The following CDH7 variants were observed in gnomAD, a reference collection of about 807,000 sequenced individuals.
The protein encoded by CDH7 is cadherin-7.
Under a neutral mutation model 71.8 loss-of-function variants are expected in CDH7, and 25 were observed. The observed-to-expected ratio is 0.35, with a 90% CI of 0.25 to 0.49. The LOEUF is 0.49. CDH7 is among the 20% of genes least tolerant of loss of function. The probability of loss-of-function intolerance (pLI) is 0.99; values close to 1 mark genes in which losing one functional copy is unlikely to be tolerated. For synonymous variants in CDH7, 381 were observed against 363.8 expected (o/e 1.05, Z -0.54); for missense variants, 862 against 974.6 (o/e 0.88, Z 1.54).
chr18:65,841,146 G>T (rs1437386044), intron 6 of CDH7, among the ~76,000 whole-genome samples: 1 of 151,948 alleles, frequency 6.6e-6, no homozygotes, highest in Non-Finnish European at 1.5e-5. Context: ...ACTTTCATAT[G>T]AATTCTTTTA....
chr18:65,866,314 A>AG (rs1913752909), intron 11 of CDH7: 1 of 4,246 alleles, frequency 2.4e-4, no homozygotes, highest in Non-Finnish European at 5.4e-4. Context: ...AAAAAAAAAA[A>AG]CAAAAAAAAA....
At chr18:65,803,164 C>G (rs904604972) in intron 2 of CDH7, 2 of 152,062 alleles carry the variant, frequency 1.3e-5, no homozygotes, top group African/African-American at 2.4e-5. Flanking sequence ...ACCATCAAGA[C>G]AGCACAACAT....
chr18:65,755,384 T>C (rs1916002760), intron 1 of CDH7, among the ~76,000 whole-genome samples: 1 of 152,230 alleles, frequency 6.6e-6, no homozygotes, highest in South Asian at 2.1e-4. Context: ...TTTGGGAATC[T>C]TCAAACTTAA....
At chr18:65,828,401 T>C (rs1912210679) in intron 6 of CDH7, among the ~76,000 whole-genome samples, 1 of 152,166 alleles carries the variant, frequency 6.6e-6, no homozygotes, top group Non-Finnish European at 1.5e-5. Flanking sequence ...CACTTATATA[T>C]GGATTTTTTT....
At chr18:65,824,055 A>G (rs556249084) in intron 5 of CDH7, among the ~76,000 whole-genome samples, 35 of 150,426 alleles carry the variant, frequency 2.3e-4, no homozygotes, top group Non-Finnish European at 4.4e-4. Context: ...TTTCAGTTCA[A>G]CTAATATTGT....
At chr18:65,801,050 C>T (rs900468667) in intron 2 of CDH7, among the ~76,000 whole-genome samples, 3 of 152,160 alleles carry the variant, frequency 2.0e-5, no homozygotes, top group African/African-American at 4.8e-5. Flanking sequence ...ACCAAAATTA[C>T]AATTATTTGT....
At chr18:65,764,181 T>C (rs1916286312) in intron 2 of CDH7, among the ~76,000 whole-genome samples, 1 of 152,048 alleles carries the variant, frequency 6.6e-6, no homozygotes, top group Non-Finnish European at 1.5e-5. Flanking sequence ...GATCACACCT[T>C]AAGTAAGGGC....
chr18:65,790,738 G>A (rs1479001959), intron 2 of CDH7, among the ~76,000 whole-genome samples: 1 of 152,094 alleles, frequency 6.6e-6, no homozygotes, highest in African/African-American at 2.4e-5. Context: ...ATGTGGTGTT[G>A]CACGCCTGTA....
intron 2 of CDH7, among the ~76,000 whole-genome samples, chr18:65,809,277 C>T (rs192204831): frequency 6.6e-6 from 1 of 152,130 alleles, no homozygotes; most frequent in Admixed American, 6.5e-5. Context: ...GGTTTCTAAG[C>T]ATATTAAATG....
At chr18:65,774,697 G>T (rs1909871843) in intron 2 of CDH7, among the ~76,000 whole-genome samples, 1 of 152,070 alleles carries the variant, frequency 6.6e-6, no homozygotes, top group African/African-American at 2.4e-5. Context: ...TTCCAGGATA[G>T]TCTAGTCCAG....
chr18:65,870,130 G>A (rs1913885843), intron 11 of CDH7, among the ~76,000 whole-genome samples: 1 of 152,178 alleles, frequency 6.6e-6, no homozygotes, highest in Non-Finnish European at 1.5e-5. Context: ...TTGCAGAAGA[G>A]ATGTCAGAGA....
chr18:65,770,890 T>C (rs1488950658), intron 2 of CDH7, among the ~76,000 whole-genome samples: 3 of 152,162 alleles, frequency 2.0e-5, no homozygotes, highest in Non-Finnish European at 4.4e-5. Flanking sequence ...TCTGTTCTGG[T>C]TTCCATAACA....
Position 65,844,174 on chromosome 18 carries a change from G to GATATATAT in CDH7, c.1235+116_1235+123dup, listed in dbSNP as rs1555688432. ...CTTTGTTCATAACAAATAAAAACCAGATATATATATATATCGAGTTATAAC... is the reference window on the plus strand; with the variant it reads ...CTTTGTTCATAACAAATAAAAACCAGATATATATATATATATATATATCGAGTTATAAC... On this transcript the variant is annotated intron_variant, in intron 7 of 11. Coordinates refer to ENST00000397968, the MANE Select transcript of CDH7 (RefSeq NM_004361.5). 488 of 227,998 alleles carry GATATATAT rather than the reference G, an allele frequency of 2.1e-3. 42 individuals carry two copies. The highest frequency in any genetic ancestry group is 0.013 in the African/African-American group (420 of 32,758). 14.1% of individuals were successfully genotyped at this position (227,998 alleles called of 1,614,324 possible).
rs146979483 is a variant in CDH7 at position 65,762,911 on chromosome 18, G to A, written c.69G>A (p.Gly23=). The change falls in exon 2 of 12, where the codon GGG becomes GGA. Residue 23 remains glycine, a synonymous_variant. Coordinates refer to ENST00000397968, the MANE Select transcript of CDH7 (RefSeq NM_004361.5). ...TAGCTCTTTTCCTGTGTTTTTCTGGGATGAGTCAAGCAGAACTCTCAAGGT... is the reference window on the plus strand; with the variant it reads ...TAGCTCTTTTCCTGTGTTTTTCTGGAATGAGTCAAGCAGAACTCTCAAGGT... ...QLIALFLCFS[G]MSQAELSRSR... 1 of 1,613,588 alleles carries A rather than the reference G, an allele frequency of 6.2e-7. No individual in the cohort carries two copies. The highest frequency in any genetic ancestry group is 1.7e-5 in the Admixed American group (1 of 59,980).
intron 2 of CDH7, among the ~76,000 whole-genome samples, chr18:65,794,533 T>C (rs1599010947): frequency 6.6e-6 from 1 of 150,928 alleles, no homozygotes; most frequent in South Asian, 2.1e-4. Flanking sequence ...GCTGTGGAGA[T>C]GGAACATTGT....
intron 2 of CDH7, among the ~76,000 whole-genome samples, chr18:65,765,721 A>G (rs560848744): frequency 5.8e-4 from 89 of 152,178 alleles, no homozygotes; most frequent in African/African-American, 1.9e-3. Flanking sequence ...ACTTTGATAC[A>G]TTTTGTACCT....
intron 2 of CDH7, among the ~76,000 whole-genome samples, chr18:65,807,522 C>A (rs916277158): frequency 6.6e-6 from 1 of 152,096 alleles, no homozygotes; most frequent in South Asian, 2.1e-4. Flanking sequence ...TTCTTGTGGT[C>A]TTCTGGATGT....
intron 2 of CDH7, among the ~76,000 whole-genome samples, chr18:65,793,979 T>A (rs1047161197): frequency 2.0e-5 from 3 of 152,086 alleles, no homozygotes; most frequent in Non-Finnish European, 4.4e-5. Context: ...ATATTGTTGC[T>A]TTGCAAAGCC....
At chr18:65,756,300 A>T (rs1916027109) in intron 1 of CDH7, among the ~76,000 whole-genome samples, 1 of 152,216 alleles carries the variant, frequency 6.6e-6, no homozygotes. Flanking sequence ...AAAATGTCTC[A>T]GGGAATATCA....
Sources: allele counts gnomAD v4.1 joint callset (sites outside exome capture counted in the v4.1 genomes callset), GRCh38; gene constraint gnomAD v4.1.1; transcripts MANE v1.5; gene names NCBI Gene and HGNC (gene_info 2026-07-23, HGNC 2026-07-21).